The following RHNO1 variants were observed in gnomAD, a reference collection of about 807,000 sequenced individuals.
RHNO1 encodes the protein RAD9, HUS1, RAD1-interacting nuclear orphan protein 1.
RHNO1 carries 9 observed loss-of-function variants against 7.2 expected under a neutral mutation model. That is an observed-to-expected ratio of 1.25 (90% CI 0.75 to 2.18). RHNO1 has a LOEUF of 2.18. Ranked by LOEUF, RHNO1 falls within the 30% of genes most tolerant of loss-of-function variation. RHNO1 has a pLI of 0.00. For synonymous variants in RHNO1, 95 were observed against 107.5 expected, an observed-to-expected ratio of 0.88 and a Z score of 0.72; for missense variants, 292 against 284.5, an observed-to-expected ratio of 1.03 and a Z score of -0.19.
At chr12:2,883,232 G>T (rs2098160547) in intron 1 of RHNO1, among the ~76,000 whole-genome samples, 1 of 150,772 alleles carries the variant, frequency 6.6e-6, no homozygotes, top group Non-Finnish European at 1.5e-5. Context: ...ACGAAAATTA[G>T]CCAGCGCTGT....
At position 2,887,968 on chromosome 12, in the gene RHNO1, C is replaced by G. The variant is rs1213364208; in HGVS notation, c.226C>G (p.Gln76Glu). The G allele has an allele frequency of 6.2e-7, 1 of 1,612,858 alleles. No individual in the cohort carries two copies. The highest frequency in any genetic ancestry group is 8.5e-7 in the Non-Finnish European group (1 of 1,179,582). ...CTTGTTCCCAGCCTACCAGAAACACCAAAACCGGGCGAGACACTCAAGTCG... is the reference window on the plus strand; with the variant it reads ...CTTGTTCCCAGCCTACCAGAAACACGAAAACCGGGCGAGACACTCAAGTCG... ...GSLFPAYQKHQNRARHSSRKP... is the reference protein window; with the variant it reads ...GSLFPAYQKHENRARHSSRKP... Residue 76 changes from glutamine (Q) to glutamate (E), a missense_variant, in exon 3 of 3, where the codon CAA becomes GAA. Gln to Glu is a conservative substitution (Grantham distance 29, BLOSUM62 2). Transcript: ENST00000489288.
intron 2 of RHNO1, 137 bp from the exon 3 acceptor site, chr12:2,887,774 A>G (rs1444137637): frequency 3.1e-6 from 2 of 645,838 alleles, no homozygotes; most frequent in African/African-American, 3.6e-5. Context: ...TCCTGTTATT[A>G]TGCCATTAGA....
intron 1 of RHNO1, among the ~76,000 whole-genome samples, chr12:2,880,927 C>G (rs1047645872): frequency 6.6e-6 from 1 of 152,000 alleles, no homozygotes; most frequent in Non-Finnish European, 1.5e-5. Flanking sequence ...GCGTGAGCTA[C>G]TGCACCTAGC....
intron 1 of RHNO1, among the ~76,000 whole-genome samples, chr12:2,881,645 G>A (rs138827623): frequency 0.01 from 1,532 of 152,042 alleles, 48 homozygotes; most frequent in African/African-American, 0.034. Flanking sequence ...GGTGGCTCAC[G>A]CCTGTAATCC....
At chr12:2,880,555 A>C (rs1043825765) in intron 1 of RHNO1, among the ~76,000 whole-genome samples, 4 of 151,998 alleles carry the variant, frequency 2.6e-5, no homozygotes, top group Non-Finnish European at 2.9e-5. Flanking sequence ...AGGAGGTTGC[A>C]GTGAGCCGAG....
chr12:2,884,430 T>C (rs142550841), intron 1 of RHNO1, among the ~76,000 whole-genome samples: 2 of 152,374 alleles, frequency 1.3e-5, no homozygotes, highest in African/African-American at 4.8e-5. Context: ...TTTTGCCATG[T>C]TGGCCAGGCT....
intron 1 of RHNO1, among the ~76,000 whole-genome samples, chr12:2,881,003 A>G (rs1303380281): frequency 2.0e-5 from 3 of 152,126 alleles, no homozygotes; most frequent in African/African-American, 7.3e-5. Context: ...TTGCTGAGCA[A>G]CGTACCCATT....
At position 2,888,059 on chromosome 12, in the gene RHNO1, C is replaced by A. The variant is rs1235670487; in HGVS notation, c.317C>A (p.Thr106Lys). 4 of 1,614,160 alleles carry A rather than the reference C, an allele frequency of 2.5e-6. No homozygotes were observed. In the Admixed American group the frequency reaches 6.7e-5, roughly 27 times the overall value. Residue 106 changes from threonine to lysine, a missense_variant, in exon 3 of 3, where the codon ACA becomes AAA. Coordinates refer to ENST00000489288, the MANE Select transcript of RHNO1 (RefSeq NM_001252499.3). ...AGTCCGCAATCTTCCAGTTCAGAGACATTGGGGATCCCCTTAATCCGAGAG... is the reference window on the plus strand; with the variant it reads ...AGTCCGCAATCTTCCAGTTCAGAGAAATTGGGGATCCCCTTAATCCGAGAG... ...FESPQSSSSE[T>K]LGIPLIRECP...
At chr12:2,883,507 A>AT (rs2098161422) in intron 1 of RHNO1, among the ~76,000 whole-genome samples, 2 of 26,234 alleles carry the variant, frequency 7.6e-5, no homozygotes, top group African/African-American at 4.6e-4. Flanking sequence ...ATATATATAT[A>AT]TATATTTTTT....
chr12:2,886,655 CAAAAAAAAAAAA>C (rs11441422), intron 2 of RHNO1, among the ~76,000 whole-genome samples: 1 of 95,358 alleles, frequency 1.0e-5, no homozygotes, highest in East Asian at 3.0e-4. Flanking sequence ...GACCCTGTCT[CAAAAAAAAAAAA>C]AAAAAAAAAA....
intron 1 of RHNO1, among the ~76,000 whole-genome samples, chr12:2,881,678 G>A (rs1430907486): frequency 2.0e-5 from 3 of 151,108 alleles, no homozygotes; most frequent in African/African-American, 4.9e-5. Context: ...AGGCCGAGGC[G>A]GGTGGATCAC....
rs376403114 is a variant in RHNO1 at position 2,888,039 on chromosome 12, G to A, written c.297G>A (p.Pro99=). ...SKFPHLTFES[P]QSSSSETLGI... ...TTCCACATCTAACTTTTGAGAGTCC[G>A]CAATCTTCCAGTTCAGAGACATTGG... Residue 99 remains proline (P), a synonymous_variant, in exon 3 of 3, where the codon CCG becomes CCA. Transcript: ENST00000489288. The A allele has an allele frequency of 2.6e-5, 42 of 1,613,956 alleles. No homozygotes were observed. Among genetic ancestry groups the A allele is most frequent in the Admixed American group, 5.0e-5 (3 of 59,976 alleles).
Position 2,883,075 on chromosome 12 carries a change from A to AAAACAAACAAAC in RHNO1, c.-84-2205_-84-2204insCAAACAAACAAA, listed in dbSNP as rs1555108311. 2.3e-3 allele frequency among the ~76,000 whole-genome samples: 310 copies of AAAACAAACAAAC among 134,504 alleles called. 6 individuals are homozygous for AAAACAAACAAAC. Among genetic ancestry groups the AAAACAAACAAAC allele is most frequent in the African/African-American group, 8.7e-3 (299 of 34,190 alleles). 88.2% of individuals were successfully genotyped at this position (134,504 alleles called of 152,430 possible). A position where few individuals can be genotyped will look rare whatever the true frequency, so the allele number is the denominator to read the frequency against. ...GAGCAAGGCCCTGTCTCAAAAAAAA[A>AAAACAAACAAAC]AAAAAAAAAACACATAGAAAACCTG... is the stretch of plus-strand genomic sequence containing the variant. On this transcript the variant is annotated intron_variant, in intron 1 of 2. Transcript: ENST00000489288.
intron 1 of RHNO1, among the ~76,000 whole-genome samples, chr12:2,879,638 A>G (rs1344549716): frequency 6.6e-6 from 1 of 151,498 alleles, no homozygotes; most frequent in Non-Finnish European, 1.5e-5. Context: ...TCAGCCTTAC[A>G]CATGTTGAAT....
intron 1 of RHNO1, among the ~76,000 whole-genome samples, chr12:2,883,846 TAGA>T (rs1201719247): frequency 5.9e-5 from 9 of 151,924 alleles, no homozygotes; most frequent in Admixed American, 3.3e-4. Context: ...AATCCAGGGA[TAGA>T]AGAAGTGGCT....
At chr12:2,883,970 T>A (rs1051022605) in intron 1 of RHNO1, among the ~76,000 whole-genome samples, 26 of 152,078 alleles carry the variant, frequency 1.7e-4, no homozygotes, top group Non-Finnish European at 7.3e-5. Context: ...TTTGACATTA[T>A]CTGGAGTGAA....
chr12:2,879,539 G>A (rs1458216789), intron 1 of RHNO1, among the ~76,000 whole-genome samples: 1 of 151,836 alleles, frequency 6.6e-6, no homozygotes, highest in Non-Finnish European at 1.5e-5. Flanking sequence ...TCACTGTGTT[G>A]CCCAGGCTGG....
chr12:2,885,430 C>T lies in RHNO1; in HGVS notation c.64C>T (p.Pro22Ser), dbSNP rs1389534521. 3.7e-6 allele frequency: 6 copies of T among 1,614,094 alleles called. No homozygotes were observed. Among genetic ancestry groups the T allele is most frequent in the Non-Finnish European group, 5.1e-6 (6 of 1,180,014 alleles). ...QKAPLLFHQQPLEGPKHSCAS... is the reference protein window; with the variant it reads ...QKAPLLFHQQSLEGPKHSCAS... ...AGCCCCGCTGCTGTTCCACCAACAA[C>T]CACTGGAGGGCCCCAAACACAGCTG... is the stretch of plus-strand genomic sequence containing the variant. Residue 22 changes from proline to serine, a missense_variant, in exon 2 of 3, where the codon CCA becomes TCA. Coordinates refer to ENST00000489288, the MANE Select transcript of RHNO1 (RefSeq NM_001252499.3).
At chr12:2,883,511 A>ATTTTTTT (rs869192550) in intron 1 of RHNO1, among the ~76,000 whole-genome samples, 5 of 26,846 alleles carry the variant, frequency 1.9e-4, no homozygotes, top group Admixed American at 5.8e-4. Context: ...ATATATATAT[A>ATTTTTTT]TTTTTTTTTT....
Sources: allele counts gnomAD v4.1 joint callset (sites outside exome capture counted in the v4.1 genomes callset), GRCh38; gene constraint gnomAD v4.1.1; transcripts MANE v1.5; gene names NCBI Gene and HGNC (gene_info 2026-07-23, HGNC 2026-07-21).